Variants in MAN2A1 observed in about 807,000 individuals in gnomAD.
MAN2A1 encodes the protein alpha-mannosidase 2.
A neutral mutation model predicts 142.6 loss-of-function variants in MAN2A1; 76 were observed. That is an observed-to-expected ratio of 0.53 (90% confidence interval 0.44 to 0.65). MAN2A1 has a LOEUF of 0.65. Among genes scored for constraint, MAN2A1 ranks in the 30% least tolerant of loss-of-function variants. The pLI is 0.00. For synonymous variants in MAN2A1, 559 were observed against 473.2 expected (o/e 1.18, Z -2.35); for missense variants, 1,311 against 1,365.1 (o/e 0.96, Z 0.62).
chr5:109,784,102 C>A (rs1753534046), intron 9 of MAN2A1, among the ~76,000 whole-genome samples: 1 of 152,128 alleles, frequency 6.6e-6, no homozygotes, highest in Admixed American at 6.6e-5. Flanking sequence ...CTGCCTTGGT[C>A]TCCCAAGATG....
At chr5:109,792,229 T>G (rs1753754836) in intron 12 of MAN2A1, among the ~76,000 whole-genome samples, 1 of 152,132 alleles carries the variant, frequency 6.6e-6, no homozygotes, top group Non-Finnish European at 1.5e-5. Flanking sequence ...ATTGTTATCT[T>G]TTTAGTTATC....
chr5:109,772,992 C>G (rs933223352), intron 7 of MAN2A1, among the ~76,000 whole-genome samples: 1 of 152,072 alleles, frequency 6.6e-6, no homozygotes, highest in Admixed American at 6.6e-5. Flanking sequence ...TTGACCGTCA[C>G]GTGATTTGAT....
At chr5:109,730,460 G>A (rs935529966) in intron 4 of MAN2A1, among the ~76,000 whole-genome samples, 1 of 151,656 alleles carries the variant, frequency 6.6e-6, no homozygotes, top group African/African-American at 2.4e-5. Context: ...TGCTTTTGCT[G>A]TCATGTTTTA....
chr5:109,852,261 ATTC>A (rs1256208756), intron 19 of MAN2A1, among the ~76,000 whole-genome samples: 3 of 151,900 alleles, frequency 2.0e-5, no homozygotes, highest in Non-Finnish European at 4.4e-5. Context: ...TCAATGTATT[ATTC>A]TTCATTTTCT....
chr5:109,840,522 T>A, intron 16 of MAN2A1: 1 of 505,982 alleles, frequency 2.0e-6, no homozygotes, highest in South Asian at 1.4e-5. Flanking sequence ...GCCATAAGCT[T>A]CTTTTCCTTG....
intron 16 of MAN2A1, among the ~76,000 whole-genome samples, chr5:109,830,244 G>A (rs2416221): frequency 0.68 from 104,137 of 152,128 alleles, 36,441 homozygotes; most frequent in East Asian, 0.91. Flanking sequence ...ATTGGGATTT[G>A]GAGATCCAAA....
intron 3 of MAN2A1, among the ~76,000 whole-genome samples, chr5:109,721,339 A>G (rs1582822902): frequency 6.6e-6 from 1 of 152,146 alleles, no homozygotes; most frequent in Admixed American, 6.6e-5. Context: ...AATTTAACAC[A>G]TTTATCTGGA....
At chr5:109,712,313 A>T (rs1346016815) in intron 1 of MAN2A1, among the ~76,000 whole-genome samples, 2 of 152,078 alleles carry the variant, frequency 1.3e-5, no homozygotes, top group African/African-American at 4.8e-5. Flanking sequence ...ATATCATGTC[A>T]TACATACTAT....
chr5:109,856,774 C>CGTGTGT (rs769225082), intron 20 of MAN2A1, among the ~76,000 whole-genome samples: 11 of 152,282 alleles, frequency 7.2e-5, no homozygotes, highest in South Asian at 2.1e-4. Context: ...ATGCTCGAGG[C>CGTGTGT]GTGTGTGCGT....
chr5:109,717,194 G>GT (rs1027874467), intron 3 of MAN2A1, among the ~76,000 whole-genome samples: 4 of 151,914 alleles, frequency 2.6e-5, no homozygotes, highest in African/African-American at 7.3e-5. Flanking sequence ...TAATTTGAAG[G>GT]TTTTTTTCTT....
rs938970669 is a variant in MAN2A1, at chr5:109,832,034, A to G, written c.2566+8197A>G. 3.3e-5 allele frequency among the ~76,000 whole-genome samples: 5 copies of G among 151,688 alleles called. 1 individual carries two copies. Among genetic ancestry groups the G allele is most frequent in the East Asian group, 1.9e-4 (1 of 5,174 alleles). On this transcript the variant is annotated intron_variant, in intron 16 of 21. Transcript: ENST00000261483. ...CTTTTTAATTCCTAATGGATAATGTATCCATTGATGAATGTCACTCATTGC... is the reference window on the plus strand; with the variant it reads ...CTTTTTAATTCCTAATGGATAATGTGTCCATTGATGAATGTCACTCATTGC...
intron 12 of MAN2A1, among the ~76,000 whole-genome samples, chr5:109,809,288 T>G (rs1005344814): frequency 1.3e-5 from 2 of 152,154 alleles, no homozygotes; most frequent in African/African-American, 4.8e-5. Flanking sequence ...TAATTGAAAT[T>G]ATTACTTTTG....
intron 1 of MAN2A1, among the ~76,000 whole-genome samples, chr5:109,710,917 C>T (rs1561472182): frequency 6.6e-6 from 1 of 152,054 alleles, no homozygotes; most frequent in Non-Finnish European, 1.5e-5. Flanking sequence ...CTCAAACTCC[C>T]GAACTCAGGT....
At chr5:109,798,594 C>T (rs1753926387) in intron 12 of MAN2A1, among the ~76,000 whole-genome samples, 1 of 152,184 alleles carries the variant, frequency 6.6e-6, no homozygotes, top group African/African-American at 2.4e-5. Flanking sequence ...TATGGGGCTA[C>T]CCTGATCATC....
chr5:109,840,596 T>A, intron 16 of MAN2A1: 5 of 490,000 alleles, frequency 1.0e-5, no homozygotes, highest in South Asian at 7.4e-5. Flanking sequence ...CAGGGCCATC[T>A]TCTGCCTTTT....
At chr5:109,700,227 C>T (rs1165413906) in intron 1 of MAN2A1, among the ~76,000 whole-genome samples, 1 of 151,100 alleles carries the variant, frequency 6.6e-6, no homozygotes, top group Non-Finnish European at 1.5e-5. Flanking sequence ...TCATTATGCA[C>T]CAACATTTTG....
At chr5:109,700,281 GTTTT>G (rs5870385) in intron 1 of MAN2A1, among the ~76,000 whole-genome samples, 6 of 131,460 alleles carry the variant, frequency 4.6e-5, no homozygotes, top group African/African-American at 8.6e-5. Flanking sequence ...AGTTTTGCCG[GTTTT>G]TTTTTTTTTT....
At chr5:109,856,824 A>T (rs759973330) in intron 20 of MAN2A1, among the ~76,000 whole-genome samples, 4 of 152,130 alleles carry the variant, frequency 2.6e-5, no homozygotes, top group African/African-American at 4.8e-5. Context: ...ATTATCAGTG[A>T]ACTTGCAGGA....
intron 16 of MAN2A1, among the ~76,000 whole-genome samples, chr5:109,833,566 A>T (rs190567236): frequency 0.019 from 2,831 of 152,102 alleles, 35 homozygotes; most frequent in Middle Eastern, 0.071. Flanking sequence ...GGCACTCGGC[A>T]GGCTGAAGCA....
Sources: allele counts gnomAD v4.1 joint callset (sites outside exome capture counted in the v4.1 genomes callset), GRCh38; gene constraint gnomAD v4.1.1; transcripts MANE v1.5; gene names NCBI Gene and HGNC (gene_info 2026-07-23, HGNC 2026-07-21).